NCAM1: variants seen among roughly 807,000 people sequenced by gnomAD.
NCAM1 encodes the protein antigen recognized by monoclonal antibody 5.1H11.
In NCAM1, 14 loss-of-function variants were observed where a neutral mutation model predicts 109.8. That is an observed-to-expected ratio of 0.13 (90% CI 0.08 to 0.20). The LOEUF (loss-of-function observed/expected upper bound fraction) is 0.20, where lower values mean the gene tolerates loss of function less well. Among genes scored for constraint, NCAM1 ranks in the 10% least tolerant of loss-of-function variants. The pLI, the probability that NCAM1 is intolerant of heterozygous loss-of-function variation, is 1.00. For synonymous variants in NCAM1, 418 were observed against 442.9 expected, an observed-to-expected ratio of 0.94 and a Z score of 0.70; for missense variants, 774 against 1,109.9, an observed-to-expected ratio of 0.70 and a Z score of 4.30.
At chr11:113,238,972 G>A (rs527424054) in intron 14 of NCAM1, among the ~76,000 whole-genome samples, 87 of 152,316 alleles carry the variant, frequency 5.7e-4, no homozygotes, top group Non-Finnish European at 8.7e-4. Context: ...CTTGAAGTTC[G>A]TTGAGATGTC....
intron 1 of NCAM1, among the ~76,000 whole-genome samples, chr11:113,110,575 C>T (rs555700544): frequency 2.8e-4 from 43 of 152,160 alleles, no homozygotes; most frequent in Middle Eastern, 3.4e-3. Context: ...ACTAAAGGAT[C>T]GCTGGGTTCT....
intron 1 of NCAM1, among the ~76,000 whole-genome samples, chr11:113,200,880 A>G (rs924344787): frequency 2.0e-5 from 3 of 152,160 alleles, no homozygotes; most frequent in Non-Finnish European, 2.9e-5. Context: ...CCTGAGCCTC[A>G]GGGAGCCGGC....
chr11:113,264,167 TC>T lies in NCAM1; in HGVS notation c.2131+3845del, dbSNP rs1555123963. 5.1e-6 allele frequency: 5 copies of T among 985,160 alleles called. No individual in the cohort carries two copies. In the African/African-American group the frequency reaches 8.7e-5, roughly 17 times the overall value. The allele number at this position is 985,160 out of a possible 1,614,324, so 61.0% of individuals were successfully genotyped here. ...TCCCTCCCCCCATTGTGGTCACATA[TC>T]ATTCTACATATCTCATCTCTGAGCA... On this transcript the variant is annotated intron_variant, in intron 17 of 19. Coordinates refer to ENST00000316851, the MANE Select transcript of NCAM1 (RefSeq NM_181351.5).
chr11:113,254,094 C>T (rs1283557267), intron 15 of NCAM1, among the ~76,000 whole-genome samples: 1 of 152,186 alleles, frequency 6.6e-6, no homozygotes, highest in Admixed American at 6.5e-5. Flanking sequence ...CTTTTTAGCA[C>T]TGGATATCTA....
At position 113,273,370 on chromosome 11, in the gene NCAM1, C is replaced by T. The variant is rs912199295; in HGVS notation, c.2456+1494C>T. ...CCCACCCCTGCACCAGTCCCCACCC[C>T]GACTGGGGCAGCCAGTCCTCTAGCA... On this transcript the variant is annotated intron_variant, in intron 19 of 19. Coordinates refer to ENST00000316851, the MANE Select transcript of NCAM1 (RefSeq NM_181351.5). This position sits in a 1 kb window ranked among gnomAD's most constrained non-coding sequence, Gnocchi z 6.0. 7 of 332,468 alleles carry T rather than the reference C, an allele frequency of 2.1e-5. No individual in the cohort carries two copies. Among genetic ancestry groups the T allele is most frequent in the East Asian group, 8.0e-5 (1 of 12,440 alleles). 20.6% of individuals were successfully genotyped at this position (332,468 alleles called of 1,614,324 possible).
intron 1 of NCAM1, among the ~76,000 whole-genome samples, chr11:113,158,222 C>T (rs1477779762): frequency 1.3e-5 from 2 of 152,134 alleles, no homozygotes; most frequent in African/African-American, 4.8e-5. Context: ...CACTTGAAAG[C>T]TTGAATTTTA....
intron 1 of NCAM1, among the ~76,000 whole-genome samples, chr11:112,995,949 T>A (rs1316658795): frequency 1.3e-5 from 2 of 152,122 alleles, no homozygotes; most frequent in African/African-American, 2.4e-5. Context: ...AGGCATTGAG[T>A]TATCATTGAA....
intron 1 of NCAM1, among the ~76,000 whole-genome samples, chr11:113,043,967 A>G (rs556179900): frequency 9.1e-4 from 138 of 151,154 alleles, no homozygotes; most frequent in African/African-American, 3.2e-3. Context: ...TCGATTACAC[A>G]GCAGATTTAT....
Position 113,179,326 on chromosome 11 carries a change from T to C in NCAM1, c.53-23053T>C, listed in dbSNP as rs557932953. Among the ~76,000 whole-genome samples, 10 of 152,396 alleles carry C rather than the reference T, an allele frequency of 6.6e-5. No homozygotes were observed. The South Asian group carries it at 2.1e-3, about 32-fold the overall frequency. On this transcript the variant is annotated intron_variant, in intron 1 of 19. Coordinates refer to ENST00000316851, the MANE Select transcript of NCAM1 (RefSeq NM_181351.5). ...CCTAAGTAAAGAATTTGCTCTCCTT[T>C]TGCTATGGAGCAAAATAAGAGCACA...
intron 1 of NCAM1, among the ~76,000 whole-genome samples, chr11:113,083,500 T>C (rs1938937971): frequency 6.6e-6 from 1 of 152,200 alleles, no homozygotes; most frequent in South Asian, 2.1e-4. Context: ...TGAATTTAAA[T>C]GAATTAACAT....
intron 7 of NCAM1, among the ~76,000 whole-genome samples, 182 bp from the exon 8 acceptor site, chr11:113,214,187 G>T (rs981033271): frequency 1.3e-5 from 2 of 152,160 alleles, no homozygotes; most frequent in African/African-American, 4.8e-5. Context: ...TATGGTTTCC[G>T]TGTTGTCACA....
At chr11:113,268,556 A>G (rs931035074) in intron 17 of NCAM1, among the ~76,000 whole-genome samples, 2 of 152,182 alleles carry the variant, frequency 1.3e-5, no homozygotes, top group African/African-American at 4.8e-5. Flanking sequence ...CTGGCATGCT[A>G]GGCTGATGGC....
In NCAM1 at chr11:113,204,414, G is replaced by A. The variant is rs782428703; in HGVS notation, c.256G>A (p.Ala86Thr). ...DSSSTLTIYN[A>T]NIDDAGIYKC... ...CTCCTCCACCCTCACCATCTATAAC[G>A]CCAACATCGACGACGCCGGCATTTA... Residue 86 changes from alanine (A) to threonine (T), a missense_variant, in exon 3 of 20, where the codon GCC becomes ACC. Ala to Thr is a moderately conservative substitution (Grantham distance 58). Transcript: ENST00000316851. The A allele has an allele frequency of 3.7e-6, 6 of 1,613,796 alleles. No homozygotes were observed. Among genetic ancestry groups the A allele is most frequent in the Admixed American group, 1.7e-5 (1 of 60,004 alleles).
At chr11:113,037,419 G>A (rs566973740) in intron 1 of NCAM1, among the ~76,000 whole-genome samples, 1 of 151,940 alleles carries the variant, frequency 6.6e-6, no homozygotes, top group African/African-American at 2.4e-5. Flanking sequence ...CCCTCCTCTC[G>A]TCTCCTTGAT....
chr11:113,220,175 T>A (rs2137076971), intron 8 of NCAM1, among the ~76,000 whole-genome samples: 1 of 152,308 alleles, frequency 6.6e-6, no homozygotes, highest in Admixed American at 6.5e-5. Context: ...GGAGAATAGA[T>A]TCCCAAGTGC....
At chr11:113,071,204 G>A (rs1392165250) in intron 1 of NCAM1, among the ~76,000 whole-genome samples, 2 of 152,158 alleles carry the variant, frequency 1.3e-5, no homozygotes, top group African/African-American at 4.8e-5. Flanking sequence ...GAGCAGGAAT[G>A]TTAATGGGTT....
rs540226187 is a variant in NCAM1, at chr11:113,270,146, A to G, written c.2132-42A>G. On this transcript the variant is annotated intron_variant, in intron 17 of 19. Coordinates refer to ENST00000316851, the MANE Select transcript of NCAM1 (RefSeq NM_181351.5). ...TGCTGGCAGGGTCTGGAGGTCTCGC[A>G]TCTCAGTCTGTTAACCACCAGCCAT... 16 of 1,600,600 alleles carry G rather than the reference A, an allele frequency of 1.0e-5. No individual in the cohort carries two copies. In the African/African-American group the frequency reaches 1.7e-4, roughly 17 times the overall value.
At chr11:113,154,003 T>C (rs534049124) in intron 1 of NCAM1, among the ~76,000 whole-genome samples, 1 of 152,374 alleles carries the variant, frequency 6.6e-6, no homozygotes, top group South Asian at 2.1e-4. Context: ...GCAATGCATA[T>C]CTGAACAGAA....
intron 1 of NCAM1, among the ~76,000 whole-genome samples, chr11:113,172,999 C>G (rs781835670): frequency 6.6e-6 from 1 of 152,140 alleles, no homozygotes; most frequent in Non-Finnish European, 1.5e-5. Context: ...CGTGGCAGCT[C>G]CAGCCTCCAC....
Sources: allele counts gnomAD v4.1 joint callset (sites outside exome capture counted in the v4.1 genomes callset), GRCh38; gene constraint gnomAD v4.1.1; non-coding constraint Gnocchi (gnomAD v3.1); transcripts MANE v1.5; gene names NCBI Gene and HGNC (gene_info 2026-07-23, HGNC 2026-07-21).